The following KHDC4 variants were observed in gnomAD, a reference collection of about 807,000 sequenced individuals.
KHDC4 encodes the protein KH homology domain-containing protein 4.
Under a neutral mutation model 74.5 loss-of-function variants are expected in KHDC4, and 19 were observed. The ratio of observed to expected loss-of-function variants is 0.26; its 90% CI spans 0.18 to 0.37. The LOEUF is 0.37. Among genes scored for constraint, KHDC4 ranks in the 10% least tolerant of loss-of-function variants. The pLI, the probability that KHDC4 is intolerant of heterozygous loss-of-function variation, is 1.00. For synonymous variants in KHDC4, 253 were observed against 266.1 expected (o/e 0.95, Z 0.48); for missense variants, 632 against 754.1 (o/e 0.84, Z 1.90).
chr1:155,920,097 G>A, intron 10 of KHDC4: 1 of 364,200 alleles, frequency 2.7e-6, no homozygotes, highest in Non-Finnish European at 5.7e-6. Context: ...AATCCATCCA[G>A]ATTATTATCC....
chr1:155,926,621 C>T (rs1322593251), intron 6 of KHDC4, 55 bp downstream of exon 6: 4 of 1,569,186 alleles, frequency 2.5e-6, no homozygotes, highest in Non-Finnish European at 3.5e-6. Context: ...CTGGCCAGCA[C>T]ATATCATTTT....
chr1:155,930,555 T>G (rs1261868154), intron 2 of KHDC4, among the ~76,000 whole-genome samples: 1 of 151,920 alleles, frequency 6.6e-6, no homozygotes, highest in Non-Finnish European at 1.5e-5. Context: ...GTACATGGAG[T>G]AAAACACAAT....
rs749741173 is a variant in KHDC4 at position 155,915,914 on chromosome 1, G to T, written c.1604C>A (p.Ser535Tyr). 8 of 1,601,866 alleles carry T rather than the reference G, an allele frequency of 5.0e-6. No homozygotes were observed. The highest frequency in any genetic ancestry group is 6.0e-6 in the Non-Finnish European group (7 of 1,176,002). The change falls in exon 13 of 14, where the codon TCC (serine) becomes TAC (tyrosine). Residue 535 changes from serine to tyrosine, a missense_variant. Transcript: ENST00000368321. ...GGTCCCAGACCCATTCCTTTCATCG[G>T]ACTCTGTTTTTATTCCAGTCACTGG... is the stretch of plus-strand genomic sequence containing the variant. ...AFPVTGIKTE[S>Y]DERNGSGTLT...
intron 10 of KHDC4, chr1:155,919,844 A>G (rs1557967111): frequency 5.0e-6 from 1 of 198,624 alleles, no homozygotes; most frequent in Non-Finnish European, 1.0e-5. Context: ...AAAATAAATA[A>G]ATAAAATAAA....
At position 155,913,045 on chromosome 1, in the gene KHDC4, G is replaced by A. The variant is rs1463958559; in HGVS notation, c.*1076C>T. 6.6e-6 allele frequency: 1 copy of A among 152,554 alleles called. No individual in the cohort carries two copies. Among genetic ancestry groups the A allele is most frequent in the Non-Finnish European group, 1.5e-5 (1 of 68,020 alleles). 9.5% of individuals were successfully genotyped at this position (152,554 alleles called of 1,614,324 possible). A position where few individuals can be genotyped will look rare whatever the true frequency, so the allele number is the denominator to read the frequency against. Reference sequence around the variant, plus strand: ...GAAGAAAACAGAGAAACCACAAGCAGAATATTTATAGATTTATTTATAATG... The same window carrying A: ...GAAGAAAACAGAGAAACCACAAGCAAAATATTTATAGATTTATTTATAATG... On this transcript the variant is annotated 3_prime_UTR_variant, in exon 14 of 14. Transcript: ENST00000368321.
intron 12 of KHDC4, among the ~76,000 whole-genome samples, chr1:155,916,306 G>A (rs1673729270): frequency 6.6e-6 from 1 of 152,178 alleles, no homozygotes; most frequent in Non-Finnish European, 1.5e-5. Context: ...TGACTCTAAA[G>A]TAGCAAAAAT....
At chr1:155,914,670 G>GT (rs1673694462) in intron 13 of KHDC4, 1 of 212,340 alleles carries the variant, frequency 4.7e-6, no homozygotes, top group Non-Finnish European at 9.4e-6. Context: ...AGAAAAAAAC[G>GT]TATTTTCTTC....
rs1300199856 is a variant in KHDC4 at position 155,913,766 on chromosome 1, ACTTT to A, written c.*351_*354del. On this transcript the variant is annotated 3_prime_UTR_variant, in exon 14 of 14. Coordinates refer to ENST00000368321, the MANE Select transcript of KHDC4 (RefSeq NM_014949.4). ...CAAACAGTAGTAAAATACAAATAAA[ACTTT>A]CTTTATGTCAGAACTGGGGCTATTC... 1.5e-5 allele frequency: 3 copies of A among 198,102 alleles called. No individual in the cohort carries two copies. The highest frequency in any genetic ancestry group is 1.1e-4 in the Admixed American group (2 of 18,430). The allele number at this position is 198,102 out of a possible 1,614,324, so 12.3% of individuals were successfully genotyped here. A position where few individuals can be genotyped will look rare whatever the true frequency, so the allele number is the denominator to read the frequency against.
At chr1:155,926,559 C>T in intron 6 of KHDC4, 117 bp downstream of exon 6, 7 of 1,140,020 alleles carry the variant, frequency 6.1e-6, no homozygotes, top group Non-Finnish European at 7.8e-6. Flanking sequence ...TCAAATGATC[C>T]ACCCACCTTG....
chr1:155,924,127 C>G (rs540804944), intron 7 of KHDC4, among the ~76,000 whole-genome samples: 1 of 152,188 alleles, frequency 6.6e-6, no homozygotes, highest in Admixed American at 6.5e-5. Flanking sequence ...ACCATCCTGG[C>G]TAACACGGTG....
At position 155,933,790 on chromosome 1, in the gene KHDC4, G is replaced by T. The variant is rs771055961; in HGVS notation, c.98C>A (p.Ala33Asp). 1.3e-6 allele frequency: 2 copies of T among 1,595,290 alleles called. No homozygotes were observed. Among genetic ancestry groups the T allele is most frequent in the Non-Finnish European group, 1.7e-6 (2 of 1,169,320 alleles). ...PAPLLFLPPAAPGGEVTSSGG... is the reference protein window; with the variant it reads ...PAPLLFLPPADPGGEVTSSGG... ...ACTGCTGGTGACCTCCCCACCTGGGGCCGCTGGCGGGAGGAAGAGAAGTGG... is the reference window on the plus strand; with the variant it reads ...ACTGCTGGTGACCTCCCCACCTGGGTCCGCTGGCGGGAGGAAGAGAAGTGG... Residue 33 changes from alanine to aspartate, a missense_variant, in exon 2 of 14, where the codon GCC becomes GAC. This residue lies in a region of KHDC4 where 104 missense variants were observed against 78.1 expected (regional missense o/e 1.33). Coordinates refer to ENST00000368321, the MANE Select transcript of KHDC4 (RefSeq NM_014949.4).
intron 13 of KHDC4, chr1:155,915,528 G>A (rs1673712787): frequency 3.4e-6 from 1 of 296,672 alleles, no homozygotes. Flanking sequence ...TTATTTATGA[G>A]ATGGAGTCTT....
Position 155,934,406 on chromosome 1 carries a change from A to C in KHDC4, c.-33T>G, listed in dbSNP as rs534209452. 6 of 1,609,296 alleles carry C rather than the reference A, an allele frequency of 3.7e-6. No homozygotes were observed. The highest frequency in any genetic ancestry group is 3.3e-5 in the South Asian group (3 of 90,850). On this transcript the variant is annotated 5_prime_UTR_variant, in exon 1 of 14. Coordinates refer to ENST00000368321, the MANE Select transcript of KHDC4 (RefSeq NM_014949.4). ...GCTTCTACTCAACCACCCGCCAACTATCCGACTACCACCTCTCGTCACTTC... is the reference window on the plus strand; with the variant it reads ...GCTTCTACTCAACCACCCGCCAACTCTCCGACTACCACCTCTCGTCACTTC...
At chr1:155,928,688 C>G (rs772105895) in intron 4 of KHDC4, among the ~76,000 whole-genome samples, 36 of 150,532 alleles carry the variant, frequency 2.4e-4, no homozygotes, top group Non-Finnish European at 4.7e-4. Context: ...CGTGGTGGCT[C>G]ACGCCTGTAA....
chr1:155,926,935 G>A (rs887619556), intron 5 of KHDC4, 96 bp from the exon 6 acceptor site: 46 of 1,430,558 alleles, frequency 3.2e-5, no homozygotes, highest in East Asian at 4.6e-5. Flanking sequence ...TGCTTTATAC[G>A]TTACCCAAAT....
chr1:155,924,333 C>T (rs751681412), intron 7 of KHDC4, among the ~76,000 whole-genome samples: 1 of 151,684 alleles, frequency 6.6e-6, no homozygotes, highest in Admixed American at 6.6e-5. Context: ...CCTCAGCCCC[C>T]GAGTTGCTGG....
chr1:155,921,406 G>A lies in KHDC4; in HGVS notation c.1235C>T (p.Thr412Ile), dbSNP rs959772483. 42 of 1,614,004 alleles carry A rather than the reference G, an allele frequency of 2.6e-5. No individual in the cohort carries two copies. The highest frequency in any genetic ancestry group is 3.4e-5 in the Non-Finnish European group (40 of 1,179,990). ...VPPVPTQYPI[T>I]QVQPPASTGQ... ...AGTGCTAGCTGGAGGCTGCACTTGT[G>A]TTATCGGGTATTGTGTTGGCACAGG... Residue 412 changes from threonine to isoleucine, a missense_variant, in exon 10 of 14, where the codon ACA becomes ATA. Thr to Ile is a moderately conservative substitution (Grantham distance 89, BLOSUM62 -1). Transcript: ENST00000368321.
At chr1:155,916,876 G>T in intron 11 of KHDC4, 139 bp from the exon 12 acceptor site, 1 of 601,456 alleles carries the variant, frequency 1.7e-6, no homozygotes, top group Non-Finnish European at 2.9e-6. Context: ...TTTGGGATCT[G>T]CTGTGTAACT....
intron 2 of KHDC4, 23 bp downstream of exon 2, chr1:155,933,610 G>T: frequency 4.5e-6 from 7 of 1,568,082 alleles, no homozygotes; most frequent in Non-Finnish European, 6.1e-6. Context: ...CGCAATTAGT[G>T]GAGACCCTTC....
Sources: gnomAD v4.1 joint callset for allele counts (sites outside exome capture counted in the v4.1 genomes callset) on GRCh38, gnomAD v4.1.1 for gene constraint, gnomAD v4.1.1 regional missense constraint, MANE v1.5 for transcripts, NCBI Gene and HGNC (gene_info 2026-07-23, HGNC 2026-07-21) for gene names.